Variants in CNST observed in about 807,000 individuals in gnomAD.
CNST encodes the protein consortin, connexin sorting protein, also known as consortin.
A neutral mutation model predicts 72.4 loss-of-function variants in CNST; 39 were observed. The observed-to-expected ratio is 0.54, with a 90% confidence interval of 0.42 to 0.70. The LOEUF is 0.70. Ranked by LOEUF, CNST falls within the 30% of genes least tolerant of loss-of-function variation. The probability of loss-of-function intolerance (pLI) is 0.00; values close to 1 mark genes in which losing one functional copy is unlikely to be tolerated. For synonymous variants in CNST, 332 were observed against 320.1 expected, an observed-to-expected ratio of 1.04 and a Z score of -0.40; for missense variants, 871 against 868.5, an observed-to-expected ratio of 1.00 and a Z score of -0.04.
chr1:246,637,554 C>T lies in CNST; in HGVS notation c.818+2967C>T, dbSNP rs552657862. 9.2e-5 allele frequency among the ~76,000 whole-genome samples: 14 copies of T among 152,240 alleles called. 1 individual carries two copies. In the South Asian group the frequency reaches 1.5e-3, roughly 16 times the overall value. The stretch of plus-strand genomic sequence containing the variant: ...AAAAGAGGGTGCTTTTGGTGTTGCA[C>T]GGAGTCTCATGAGGGTGTAAGGGAG... On this transcript the variant is annotated intron_variant, in intron 6 of 10. Coordinates refer to ENST00000366513, the MANE Select transcript of CNST (RefSeq NM_152609.3).
chr1:246,664,458 G>A (rs1020723190), intron 10 of CNST, among the ~76,000 whole-genome samples: 13 of 148,466 alleles, frequency 8.8e-5, no homozygotes, highest in Admixed American at 4.1e-4. Flanking sequence ...AAGGAGTCTC[G>A]CCCTGTGGCC....
Position 246,586,111 on chromosome 1 carries a change from A to ATATATGTGTGTGTG in CNST, c.-51-5400_-51-5399insATATGTGTGTGTGT, listed in dbSNP as rs777928408. On this transcript the variant is annotated intron_variant, in intron 1 of 10. Transcript: ENST00000366513. ...GAGGGGGAGATATATATATATATAT[A>ATATATGTGTGTGTG]TGTGTGTGTGTGTGTGTGTGTGTGT... Among the ~76,000 whole-genome samples, 303 of 102,680 alleles carry ATATATGTGTGTGTG rather than the reference A, an allele frequency of 3.0e-3. 1 individual carries two copies. Among genetic ancestry groups the ATATATGTGTGTGTG allele is most frequent in the African/African-American group, 0.012 (295 of 25,020 alleles). 67.4% of individuals were successfully genotyped at this position (102,680 alleles called of 152,430 possible). A position where few individuals can be genotyped will look rare whatever the true frequency, so the allele number is the denominator to read the frequency against.
At chr1:246,615,770 C>T (rs1297859803) in intron 2 of CNST, among the ~76,000 whole-genome samples, 8 of 151,542 alleles carry the variant, frequency 5.3e-5, no homozygotes, top group African/African-American at 1.5e-4. Flanking sequence ...CCCAGCTACT[C>T]GGGAGGCTGA....
chr1:246,584,425 G>C (rs763688844), intron 1 of CNST, among the ~76,000 whole-genome samples: 2 of 152,282 alleles, frequency 1.3e-5, no homozygotes, highest in African/African-American at 2.4e-5. Flanking sequence ...TGGCGGTGCA[G>C]TCAAGAATAA....
At chr1:246,578,598 GAGGCGGA>G (rs938427881) in intron 1 of CNST, among the ~76,000 whole-genome samples, 3 of 151,980 alleles carry the variant, frequency 2.0e-5, no homozygotes, top group African/African-American at 7.3e-5. Context: ...TTGAACCCGG[GAGGCGGA>G]GGTTGCAGTG....
At chr1:246,630,863 A>G (rs907622031) in intron 3 of CNST, among the ~76,000 whole-genome samples, 4 of 152,116 alleles carry the variant, frequency 2.6e-5, no homozygotes, top group Admixed American at 6.5e-5. Context: ...CTTCTGCCTC[A>G]GCCTCCAGAG....
chr1:246,645,492 A>G (rs909672312), intron 8 of CNST, among the ~76,000 whole-genome samples: 10 of 145,878 alleles, frequency 6.9e-5, no homozygotes, highest in Non-Finnish European at 1.2e-4. Context: ...CAGTGGCGCA[A>G]TCTCGGCTCA....
At chr1:246,665,169 A>C (rs2103179965) in intron 10 of CNST, among the ~76,000 whole-genome samples, 1 of 152,280 alleles carries the variant, frequency 6.6e-6, no homozygotes, top group South Asian at 2.1e-4. Flanking sequence ...CAGGAGTTCA[A>C]GACCACCCTC....
At chr1:246,594,615 A>G (rs1025557359) in intron 2 of CNST, among the ~76,000 whole-genome samples, 3 of 152,056 alleles carry the variant, frequency 2.0e-5, no homozygotes, top group African/African-American at 7.2e-5. Flanking sequence ...AAAAAAATAC[A>G]AAAATTAGCT....
intron 2 of CNST, among the ~76,000 whole-genome samples, chr1:246,604,725 A>G (rs1301503050): frequency 6.6e-6 from 1 of 152,142 alleles, no homozygotes; most frequent in African/African-American, 2.4e-5. Context: ...CTGGAGTGCA[A>G]TGGCGTGATC....
At position 246,626,763 on chromosome 1, in the gene CNST, A is replaced by G. The variant is rs368348154; in HGVS notation, c.585+5129A>G. Among the ~76,000 whole-genome samples, 52 of 151,920 alleles carry G rather than the reference A, an allele frequency of 3.4e-4. 1 individual carries two copies. In the East Asian group the frequency reaches 9.7e-3, roughly 28 times the overall value. On this transcript the variant is annotated intron_variant, in intron 3 of 10. Transcript: ENST00000366513. ...TGAGCCACTGTGCCCGGCCTGTCCT[A>G]TTTCTTTTCTGAACTCCAGACTTAA...
intron 1 of CNST, among the ~76,000 whole-genome samples, chr1:246,582,977 T>TG: frequency 6.6e-6 from 1 of 152,332 alleles, no homozygotes; most frequent in African/African-American, 2.4e-5. Flanking sequence ...CGCAGGGACC[T>TG]CCCTGACCCT....
At chr1:246,603,152 C>T (rs773946310) in intron 2 of CNST, among the ~76,000 whole-genome samples, 9 of 152,142 alleles carry the variant, frequency 5.9e-5, no homozygotes, top group Non-Finnish European at 1.2e-4. Context: ...CAGTTACATA[C>T]ATATTAACCT....
chr1:246,608,039 C>G (rs1293327333), intron 2 of CNST: 1 of 152,092 alleles, frequency 6.6e-6, no homozygotes, highest in Non-Finnish European at 1.5e-5. Context: ...CGAGATTGCA[C>G]CACTGCACTC....
chr1:246,628,741 A>G (rs1572202358), intron 3 of CNST, among the ~76,000 whole-genome samples: 2 of 152,128 alleles, frequency 1.3e-5, no homozygotes, highest in East Asian at 1.9e-4. Context: ...TCTTCACACT[A>G]TCCCCTGGGA....
intron 1 of CNST, among the ~76,000 whole-genome samples, chr1:246,572,939 GTTTAC>G (rs1464571321): frequency 2.6e-5 from 4 of 152,074 alleles, no homozygotes; most frequent in African/African-American, 9.7e-5. Flanking sequence ...GCATGAAAAA[GTTTAC>G]TTAAATTGGA....
At chr1:246,579,847 T>C (rs1168719328) in intron 1 of CNST, among the ~76,000 whole-genome samples, 1 of 152,218 alleles carries the variant, frequency 6.6e-6, no homozygotes, top group Non-Finnish European at 1.5e-5. Context: ...TTTACAAGGA[T>C]GTTCTTAATT....
chr1:246,637,290 G>A (rs1665342935), intron 6 of CNST, among the ~76,000 whole-genome samples: 1 of 152,168 alleles, frequency 6.6e-6, no homozygotes, highest in Non-Finnish European at 1.5e-5. Context: ...TGTCCACTTT[G>A]GTTGTAGCTT....
In CNST at chr1:246,591,634, C is replaced by T. The variant is rs369364888; in HGVS notation, c.72C>T (p.Ser24=). The change falls in exon 2 of 11, where the codon AGC becomes AGT. Residue 24 remains serine, a synonymous_variant. Transcript: ENST00000366513. ...EPQDGCHPGD[S]VERSVTCLPS... ...AAGATGGATGTCATCCTGGTGACAG[C>T]GTGGAAAGGAGTGTGACCTGTCTGC... is the stretch of plus-strand genomic sequence containing the variant. 1.1e-5 allele frequency: 18 copies of T among 1,613,972 alleles called. No homozygotes were observed. The highest frequency in any genetic ancestry group is 8.0e-5 in the African/African-American group (6 of 74,898).
Sources: allele counts gnomAD v4.1 joint callset (sites outside exome capture counted in the v4.1 genomes callset), GRCh38; gene constraint gnomAD v4.1.1; transcripts MANE v1.5; gene names NCBI Gene and HGNC (gene_info 2026-07-23, HGNC 2026-07-21).